Variants in LRRC3B observed in about 807,000 individuals in gnomAD.
LRRC3B encodes leucine rich repeat containing 3B.
A neutral mutation model predicts 12.8 loss-of-function variants in LRRC3B; 2 were observed. That is an observed-to-expected ratio of 0.16 (90% CI 0.06 to 0.49). The LOEUF is 0.49. Ranked by LOEUF, LRRC3B falls within the 20% of genes least tolerant of loss-of-function variation. LRRC3B has a pLI of 0.96. For missense variants in LRRC3B, 189 were observed against 319.4 expected, an observed-to-expected ratio of 0.59 and a Z score of 3.11; for synonymous variants, 132 against 122.0, an observed-to-expected ratio of 1.08 and a Z score of -0.54.
chr3:26,707,007 A>AATAAT (rs1253657824), intron 1 of LRRC3B, among the ~76,000 whole-genome samples: 1 of 152,076 alleles, frequency 6.6e-6, no homozygotes, highest in African/African-American at 2.4e-5. Flanking sequence ...TGTATCCGAG[A>AATAAT]ATAATAATAG....
chr3:26,667,680 T>C (rs1553603336), intron 1 of LRRC3B, among the ~76,000 whole-genome samples: 2 of 152,168 alleles, frequency 1.3e-5, no homozygotes, highest in Non-Finnish European at 2.9e-5. Flanking sequence ...GGAAATATCA[T>C]ATAATATTTT....
chr3:26,673,824 A>G (rs915815948), intron 1 of LRRC3B, among the ~76,000 whole-genome samples: 9 of 152,186 alleles, frequency 5.9e-5, no homozygotes, highest in Non-Finnish European at 1.2e-4. Flanking sequence ...TTCTTAATGT[A>G]GTGCATTAAT....
intron 1 of LRRC3B, among the ~76,000 whole-genome samples, chr3:26,692,416 C>A (rs995783225): frequency 2.0e-5 from 3 of 152,168 alleles, no homozygotes; most frequent in Non-Finnish European, 2.9e-5. Flanking sequence ...TCAGATTACA[C>A]CTTAGACGTG....
intron 1 of LRRC3B, among the ~76,000 whole-genome samples, chr3:26,675,874 T>G (rs942335574): frequency 2.6e-5 from 4 of 152,284 alleles, no homozygotes; most frequent in Non-Finnish European, 4.4e-5. Flanking sequence ...ATACAATTTT[T>G]TTATTAAATA....
chr3:26,677,027 C>T (rs532800085), intron 1 of LRRC3B, among the ~76,000 whole-genome samples: 14 of 152,096 alleles, frequency 9.2e-5, no homozygotes, highest in Non-Finnish European at 1.6e-4. Context: ...AGAAATGACA[C>T]TAGTCTAGGG....
intron 1 of LRRC3B, among the ~76,000 whole-genome samples, chr3:26,647,898 C>A (rs1699186475): frequency 6.6e-6 from 1 of 152,130 alleles, no homozygotes; most frequent in African/African-American, 2.4e-5. Context: ...CCGCGCCAAG[C>A]TTTGCTTAAA....
At chr3:26,638,674 C>T (rs1282209174) in intron 1 of LRRC3B, among the ~76,000 whole-genome samples, 1 of 152,226 alleles carries the variant, frequency 6.6e-6, no homozygotes, top group Non-Finnish European at 1.5e-5. Context: ...CAATTGACTT[C>T]ATAATTGGTC....
chr3:26,630,098 A>G (rs1698723910), intron 1 of LRRC3B, among the ~76,000 whole-genome samples: 1 of 152,212 alleles, frequency 6.6e-6, no homozygotes, highest in Non-Finnish European at 1.5e-5. Flanking sequence ...CATAAGAATA[A>G]GAGAAGACAA....
At chr3:26,681,216 T>C (rs2125441519) in intron 1 of LRRC3B, among the ~76,000 whole-genome samples, 1 of 152,304 alleles carries the variant, frequency 6.6e-6, no homozygotes, top group East Asian at 1.9e-4. Context: ...TGCGAATCCT[T>C]TGGGATCACA....
chr3:26,662,861 T>TG (rs1213752723), intron 1 of LRRC3B, among the ~76,000 whole-genome samples: 14 of 152,130 alleles, frequency 9.2e-5, no homozygotes, highest in Admixed American at 9.2e-4. Flanking sequence ...GAAATTGGTT[T>TG]GTTTATTTTC....
intron 1 of LRRC3B, among the ~76,000 whole-genome samples, chr3:26,677,441 G>T (rs888249333): frequency 3.3e-5 from 5 of 152,190 alleles, no homozygotes; most frequent in Non-Finnish European, 7.3e-5. Flanking sequence ...TGATCGACTT[G>T]CACTGCTGCC....
At chr3:26,705,672 G>A (rs1308349620) in intron 1 of LRRC3B, among the ~76,000 whole-genome samples, 1 of 152,118 alleles carries the variant, frequency 6.6e-6, no homozygotes, top group Non-Finnish European at 1.5e-5. Flanking sequence ...TTCAATCAAA[G>A]CAGGAGGGAG....
intron 1 of LRRC3B, among the ~76,000 whole-genome samples, chr3:26,675,942 A>AT (rs925116681): frequency 6.8e-6 from 1 of 146,734 alleles, no homozygotes; most frequent in South Asian, 2.2e-4. Flanking sequence ...CATTCATTTC[A>AT]TTTTTTTTAT....
chr3:26,644,561 TA>T (rs550225681), intron 1 of LRRC3B, among the ~76,000 whole-genome samples: 64 of 151,970 alleles, frequency 4.2e-4, no homozygotes, highest in Non-Finnish European at 8.8e-4. Flanking sequence ...AAGGACAGGG[TA>T]AAAAACCATG....
intron 1 of LRRC3B, among the ~76,000 whole-genome samples, chr3:26,690,515 A>G (rs1294930616): frequency 6.6e-6 from 1 of 152,142 alleles, no homozygotes; most frequent in East Asian, 1.9e-4. Context: ...GGAAAGTTTT[A>G]TGTGGTTCAT....
intron 1 of LRRC3B, among the ~76,000 whole-genome samples, chr3:26,645,540 A>C (rs1470101426): frequency 1.3e-5 from 2 of 152,198 alleles, no homozygotes; most frequent in Admixed American, 1.3e-4. Context: ...ATATATGTGC[A>C]TATATCTATA....
chr3:26,646,622 A>AC (rs1308156616), intron 1 of LRRC3B, among the ~76,000 whole-genome samples: 1 of 107,862 alleles, frequency 9.3e-6, no homozygotes, highest in Non-Finnish European at 2.2e-5. Flanking sequence ...AAAAAAAAAA[A>AC]AAAAAAAAAA....
chr3:26,696,419 T>C (rs1230280012), intron 1 of LRRC3B, among the ~76,000 whole-genome samples: 2 of 152,208 alleles, frequency 1.3e-5, no homozygotes, highest in African/African-American at 4.8e-5. Flanking sequence ...AAGACTATGA[T>C]CTGTGCATGG....
At chr3:26,638,603 A>C (rs1698954643) in intron 1 of LRRC3B, among the ~76,000 whole-genome samples, 1 of 152,226 alleles carries the variant, frequency 6.6e-6, no homozygotes, top group Admixed American at 6.5e-5. Context: ...TTATAAAAAG[A>C]ATGTAATTTA....
Sources: gnomAD v4.1 joint callset for allele counts (sites outside exome capture counted in the v4.1 genomes callset) on GRCh38, gnomAD v4.1.1 for gene constraint, MANE v1.5 for transcripts, NCBI Gene and HGNC (gene_info 2026-07-23, HGNC 2026-07-21) for gene names.